The following TOM1 variants were observed in gnomAD, a reference collection of about 807,000 sequenced individuals.
TOM1 encodes the protein target of Myb protein 1.
In TOM1, 38 loss-of-function variants were observed where a neutral mutation model predicts 61.3. The ratio of observed to expected loss-of-function variants is 0.62; its 90% CI spans 0.48 to 0.81. The LOEUF is 0.81. Among genes scored for constraint, TOM1 ranks in the 40% least tolerant of loss-of-function variants. The probability of loss-of-function intolerance (pLI) is 0.00; values close to 1 mark genes in which losing one functional copy is unlikely to be tolerated. For missense variants in TOM1, 591 were observed against 659.6 expected (o/e 0.90, Z 1.14); for synonymous variants, 270 against 268.8 (o/e 1.00, Z -0.04).
chr22:35,327,671 T>C (rs548859575), intron 7 of TOM1, among the ~76,000 whole-genome samples: 2 of 152,314 alleles, frequency 1.3e-5, no homozygotes, highest in South Asian at 4.1e-4. Flanking sequence ...GTGAGTTAAA[T>C]AAGGTATTGC....
Position 35,347,092 on chromosome 22 carries a change from G to C in TOM1, c.1362G>C (p.Ala454=), listed in dbSNP as rs370418030. 6.2e-7 allele frequency: 1 copy of C among 1,613,372 alleles called. No individual in the cohort carries two copies. The highest frequency in any genetic ancestry group is 1.1e-5 in the South Asian group (1 of 91,050). ...DKFLEERAKA[A]DRLPNLSSPS... ...TCCTGGAAGAACGGGCCAAAGCCGC[G>C]GACCGATTGCCCAACCTCTCCAGCC... The change falls in exon 15 of 15, where the codon GCG becomes GCC. Residue 454 remains alanine, a synonymous_variant. Transcript: ENST00000449058.
At position 35,347,515 on chromosome 22, in the gene TOM1, A is replaced by C; in HGVS notation, c.*306A>C. The C allele has an allele frequency of 3.6e-6, 1 of 278,878 alleles. No homozygotes were observed. The highest frequency in any genetic ancestry group is 6.7e-6 in the Non-Finnish European group (1 of 148,638). The allele number at this position is 278,878 out of a possible 1,614,324, so 17.3% of individuals were successfully genotyped here. The stretch of plus-strand genomic sequence containing the variant: ...GGCTGGCTGGCTGGCTGGCTGCTTG[A>C]CCCAGTGTGACTCTCCTTCACTGAG... On this transcript the variant is annotated 3_prime_UTR_variant, in exon 15 of 15. Coordinates refer to ENST00000449058, the MANE Select transcript of TOM1 (RefSeq NM_005488.3).
intron 8 of TOM1, among the ~76,000 whole-genome samples, chr22:35,331,135 A>C (rs2145684802): frequency 1.5e-5 from 2 of 132,156 alleles, no homozygotes; most frequent in African/African-American, 5.8e-5. Flanking sequence ...TTGCTCTGTC[A>C]CCCAGGCTGG....
In TOM1 at chr22:35,323,396, A is replaced by G; in HGVS notation, c.367-100A>G. On this transcript the variant is annotated intron_variant, in intron 4 of 14. Coordinates refer to ENST00000449058, the MANE Select transcript of TOM1 (RefSeq NM_005488.3). The surrounding 1 kb of genome is among the most constrained non-coding windows in gnomAD (Gnocchi z 4.2). Reference sequence around the variant, plus strand: ...AGGGCAGATGTAGTTAAAAAAAAAAAAAAAGCAGGGAAAGAATGTCTGTTC... The same window carrying G: ...AGGGCAGATGTAGTTAAAAAAAAAAGAAAAGCAGGGAAAGAATGTCTGTTC... The G allele has an allele frequency of 6.6e-7, 1 of 1,504,674 alleles. No individual in the cohort carries two copies. The highest frequency in any genetic ancestry group is 8.9e-7 in the Non-Finnish European group (1 of 1,122,478). The allele number at this position is 1,504,674 out of a possible 1,614,324, so 93.2% of individuals were successfully genotyped here. A position where few individuals can be genotyped will look rare whatever the true frequency, so the allele number is the denominator to read the frequency against.
chr22:35,340,233 C>T (rs558464668), intron 12 of TOM1, among the ~76,000 whole-genome samples: 48 of 152,154 alleles, frequency 3.2e-4, no homozygotes, highest in Non-Finnish European at 5.3e-4. Flanking sequence ...GACCTGGGGC[C>T]GAGGAGGCTA....
intron 8 of TOM1, among the ~76,000 whole-genome samples, chr22:35,331,093 CTTTT>C (rs773623729): frequency 7.9e-6 from 1 of 127,154 alleles, no homozygotes; most frequent in Non-Finnish European, 1.6e-5. Context: ...ACCTGTCCAC[CTTTT>C]TTTTTTTTTT....
chr22:35,346,543 G>T (rs969586923), intron 13 of TOM1, among the ~76,000 whole-genome samples: 1 of 152,160 alleles, frequency 6.6e-6, no homozygotes, highest in Admixed American at 6.5e-5. Context: ...CAGGGGTGAG[G>T]ACCACCCACC....
At chr22:35,311,942 C>T (rs1926861342) in intron 1 of TOM1, among the ~76,000 whole-genome samples, 1 of 152,120 alleles carries the variant, frequency 6.6e-6, no homozygotes, top group Non-Finnish European at 1.5e-5. Flanking sequence ...GGAGCCAACC[C>T]TGGGTGGGGC....
Position 35,323,109 on chromosome 22 carries a change from G to T in TOM1, c.298G>T (p.Val100Leu), listed in dbSNP as rs778916681. ...CCAGGACTTCGTGGAGAGTGTGCTG[G>T]TGAGGACCATCCTGCCCAAGAACAA... is the stretch of plus-strand genomic sequence containing the variant. ...ASQDFVESVL[V>L]RTILPKNNPP... The change falls in exon 4 of 15, where the codon GTG becomes TTG. Residue 100 changes from valine to leucine, a missense_variant. Transcript: ENST00000449058. The surrounding 1 kb of genome is among the most constrained non-coding windows in gnomAD (Gnocchi z 4.2). 1 of 1,614,186 alleles carries T rather than the reference G, an allele frequency of 6.2e-7. No homozygotes were observed. The highest frequency in any genetic ancestry group is 1.7e-5 in the Admixed American group (1 of 60,032).
At chr22:35,322,238 C>G (rs1927858672) in intron 3 of TOM1, 2 of 578,664 alleles carry the variant, frequency 3.5e-6, no homozygotes, top group African/African-American at 1.9e-5. Context: ...TCCCCAATCC[C>G]CCAGCATGGG....
Position 35,347,296 on chromosome 22 carries a change from C to T in TOM1, c.*87C>T, listed in dbSNP as rs1930593194. On this transcript the variant is annotated 3_prime_UTR_variant, in exon 15 of 15. Coordinates refer to ENST00000449058, the MANE Select transcript of TOM1 (RefSeq NM_005488.3). ...CTCCCTCCCTCCTCTGGTGTTAAGG[C>T]TGCTTTGGGGGTGGCTTGTTACCCC... The T allele has an allele frequency of 1.4e-6, 2 of 1,424,468 alleles. No individual in the cohort carries two copies. Among genetic ancestry groups the T allele is most frequent in the African/African-American group, 1.4e-5 (1 of 69,550 alleles). 88.2% of individuals were successfully genotyped at this position (1,424,468 alleles called of 1,614,324 possible).
intron 8 of TOM1, among the ~76,000 whole-genome samples, chr22:35,330,820 G>T (rs187678829): frequency 6.6e-6 from 1 of 152,214 alleles, no homozygotes; most frequent in Non-Finnish European, 1.5e-5. Flanking sequence ...TGGTTCTGGG[G>T]CCTTAGACAA....
chr22:35,323,150 G>T lies in TOM1; in HGVS notation c.339G>T (p.Val113=). 1 of 1,614,076 alleles carries T rather than the reference G, an allele frequency of 6.2e-7. No individual in the cohort carries two copies. Residue 113 remains valine, a synonymous_variant, in exon 4 of 15, where the codon GTG becomes GTT. Coordinates refer to ENST00000449058, the MANE Select transcript of TOM1 (RefSeq NM_005488.3). The surrounding 1 kb of genome is among the most constrained non-coding windows in gnomAD (Gnocchi z 4.2). ...ILPKNNPPTI[V]HDKVLNLIQS... ...CCAAGAACAACCCACCCACCATCGTGCATGACAAAGTGCTCAACCTCATCC... is the reference window on the plus strand; with the variant it reads ...CCAAGAACAACCCACCCACCATCGTTCATGACAAAGTGCTCAACCTCATCC...
At chr22:35,325,494 C>T (rs769071685) in intron 6 of TOM1, among the ~76,000 whole-genome samples, 2 of 152,162 alleles carry the variant, frequency 1.3e-5, no homozygotes, top group Non-Finnish European at 2.9e-5. Flanking sequence ...ATTTCTGTTA[C>T]GTTAGGATTG....
Position 35,300,099 on chromosome 22 carries a change from G to C in TOM1, c.52+119G>C, listed in dbSNP as rs913621186. On this transcript the variant is annotated intron_variant, in intron 1 of 14. Coordinates refer to ENST00000449058, the MANE Select transcript of TOM1 (RefSeq NM_005488.3). ...GGGAGGGCAAGGAGGCTGGCGTGTA[G>C]CTCTCCGACCTGGCTCCGCCCAGCT... 1.7e-5 allele frequency: 19 copies of C among 1,148,796 alleles called. No individual in the cohort carries two copies. In the Middle Eastern group the frequency reaches 2.0e-3, roughly 123 times the overall value. The allele number at this position is 1,148,796 out of a possible 1,614,324, so 71.2% of individuals were successfully genotyped here.
At chr22:35,339,994 G>A (rs2145715303) in intron 12 of TOM1, among the ~76,000 whole-genome samples, 1 of 152,366 alleles carries the variant, frequency 6.6e-6, no homozygotes, top group Admixed American at 6.5e-5. Flanking sequence ...TGTGTGTTGA[G>A]TGACAGCCAC....
intron 2 of TOM1, 50 bp from the exon 3 acceptor site, chr22:35,321,909 A>G (rs2145654939): frequency 6.7e-7 from 1 of 1,483,486 alleles, no homozygotes; most frequent in Non-Finnish European, 9.4e-7. Context: ...CTCTGGTGTT[A>G]GGTAAGGGGG....
At chr22:35,338,685 T>C in intron 11 of TOM1, 28 bp from the exon 12 acceptor site, 1 of 1,521,668 alleles carries the variant, frequency 6.6e-7, no homozygotes. Flanking sequence ...AAGGGCAGCA[T>C]CCAATGGCTT....
At chr22:35,327,231 A>G (rs763835880) in intron 6 of TOM1, 40 bp from the exon 7 acceptor site, 1 of 1,592,078 alleles carries the variant, frequency 6.3e-7, no homozygotes. Context: ...TGGGCCCCAG[A>G]ACCCTGGCTT....
Sources: allele counts gnomAD v4.1 joint callset (sites outside exome capture counted in the v4.1 genomes callset), GRCh38; gene constraint gnomAD v4.1.1; non-coding constraint Gnocchi (gnomAD v3.1); transcripts MANE v1.5; gene names NCBI Gene and HGNC (gene_info 2026-07-23, HGNC 2026-07-21).